Variants in HMX1 observed in about 807,000 individuals in gnomAD.
The protein encoded by HMX1 is H6 family homeobox 1, also known as homeobox protein HMX1.
In HMX1, 8 loss-of-function variants were observed where a neutral mutation model predicts 8.9. The ratio of observed to expected loss-of-function variants is 0.90; its 90% CI spans 0.53 to 1.63. The LOEUF is 1.63. HMX1 is among the 40% of genes most tolerant of loss of function. The pLI, the probability that HMX1 is intolerant of heterozygous loss-of-function variation, is 0.00. For synonymous variants in HMX1, 311 were observed against 283.4 expected, an observed-to-expected ratio of 1.10 and a Z score of -0.98; for missense variants, 621 against 558.5, an observed-to-expected ratio of 1.11 and a Z score of -1.13.
intron 1 of HMX1, among the ~76,000 whole-genome samples, chr4:8,869,536 C>T (rs554907210): frequency 4.4e-4 from 67 of 152,366 alleles, no homozygotes; most frequent in African/African-American, 1.5e-3. Flanking sequence ...GCAAGGGGTG[C>T]GCACACTGGT....
chr4:8,854,734 T>C (rs1031202405), intron 1 of HMX1, among the ~76,000 whole-genome samples: 1 of 152,244 alleles, frequency 6.6e-6, no homozygotes, highest in Non-Finnish European at 1.5e-5. Context: ...TTCTCTTTCT[T>C]TGGAGAACCC....
At chr4:8,852,448 C>T (rs1428052737) in intron 1 of HMX1, among the ~76,000 whole-genome samples, 1 of 152,232 alleles carries the variant, frequency 6.6e-6, no homozygotes, top group Non-Finnish European at 1.5e-5. Flanking sequence ...CAAAGCCACA[C>T]AGCCAGGAAA....
In HMX1 at chr4:8,858,141, A is replaced by T. The variant is rs1721675508; in HGVS notation, c.395-11817T>A. Among the ~76,000 whole-genome samples, 2 of 152,072 alleles carry T rather than the reference A, an allele frequency of 1.3e-5. 1 individual carries two copies. The highest frequency in any genetic ancestry group is 4.8e-5 in the African/African-American group (2 of 41,428). On this transcript the variant is annotated intron_variant, in intron 1 of 1. Coordinates refer to the HMX1 transcript ENST00000506970. ...CCCAAGCCGGTCGAGGCCCCCGTCCATTTGGGGGAAATGGATTTTCGCGAT... is the reference window on the plus strand; with the variant it reads ...CCCAAGCCGGTCGAGGCCCCCGTCCTTTTGGGGGAAATGGATTTTCGCGAT...
chr4:8,851,780 C>T (rs1434335397), intron 1 of HMX1, among the ~76,000 whole-genome samples: 1 of 152,252 alleles, frequency 6.6e-6, no homozygotes, highest in African/African-American at 2.4e-5. Flanking sequence ...AAGGACTCTT[C>T]CTCCTGCTTC....
intron 1 of HMX1, among the ~76,000 whole-genome samples, chr4:8,869,287 C>A (rs149547706): frequency 6.6e-6 from 1 of 152,204 alleles, no homozygotes; most frequent in Non-Finnish European, 1.5e-5. Flanking sequence ...AGAGGCCAGC[C>A]GGGACCCAGA....
intron 1 of HMX1, among the ~76,000 whole-genome samples, chr4:8,851,805 T>C (rs28508194): frequency 0.55 from 84,185 of 152,172 alleles, 25,918 homozygotes; most frequent in East Asian, 0.82. Context: ...TGGGGTGGGC[T>C]TCCCTGACAT....
chr4:8,869,614 G>A (rs146097533), intron 1 of HMX1, among the ~76,000 whole-genome samples: 2,008 of 152,292 alleles, frequency 0.013, 22 homozygotes, highest in South Asian at 0.038. Context: ...ACTCACGCCC[G>A]TGGCCAATCC....
chr4:8,858,269 C>T (rs1179878715), intron 1 of HMX1, among the ~76,000 whole-genome samples: 5 of 151,994 alleles, frequency 3.3e-5, no homozygotes, highest in Admixed American at 6.5e-5. Context: ...AAAGGCGCAG[C>T]GGCGACCGCG....
chr4:8,856,166 T>C (rs1560171028), intron 1 of HMX1, among the ~76,000 whole-genome samples: 3 of 152,216 alleles, frequency 2.0e-5, no homozygotes, highest in Non-Finnish European at 2.9e-5. Flanking sequence ...GGGCCCTGAG[T>C]GCTTTTGAGT....
chr4:8,864,082 G>C (rs143172229), downstream of HMX1, among the ~76,000 whole-genome samples: 1 of 152,356 alleles, frequency 6.6e-6, no homozygotes, highest in African/African-American at 2.4e-5. Context: ...AGCACTGAGA[G>C]GCCCAGAGGA....
Position 8,848,182 on chromosome 4 carries a change from G to A in HMX1, c.395-1858C>T, listed in dbSNP as rs191535001. Among the ~76,000 whole-genome samples the A allele has an allele frequency of 6.6e-6, 1 of 152,286 alleles. No homozygotes were observed. Among genetic ancestry groups the A allele is most frequent in the African/African-American group, 2.4e-5 (1 of 41,560 alleles). On this transcript the variant is annotated intron_variant, in intron 1 of 1. Transcript: ENST00000506970. This position sits in a 1 kb window ranked among gnomAD's most constrained non-coding sequence, Gnocchi z 4.1. ...GCATCTGAATGGAGATGTGCTGTAA[G>A]TAAAAAATGCATACTTTTGTGCTCT...
chr4:8,863,813 G>C (rs528752477), downstream of HMX1, among the ~76,000 whole-genome samples: 3 of 152,244 alleles, frequency 2.0e-5, no homozygotes, highest in Non-Finnish European at 4.4e-5. Context: ...CGGCCTCCAG[G>C]ATTCCAGTAG....
Position 8,870,307 on chromosome 4 carries a change from G to C in HMX1, c.394+914C>G, listed in dbSNP as rs1350832696. Among the ~76,000 whole-genome samples, 2 of 151,976 alleles carry C rather than the reference G, an allele frequency of 1.3e-5. No homozygotes were observed. Among genetic ancestry groups the C allele is most frequent in the Admixed American group, 6.5e-5 (1 of 15,270 alleles). ...TCCCAGGGGTCTTCCTAAAGGGCAG[G>C]TACAAAAGGGAGGCAGCGACCCTGG... On this transcript the variant is annotated intron_variant, in intron 1 of 1. Transcript: ENST00000400677. The surrounding 1 kb of genome is among the most constrained non-coding windows in gnomAD (Gnocchi z 4.4).
chr4:8,864,855 C>G (rs1721945300), downstream of HMX1, among the ~76,000 whole-genome samples: 1 of 152,220 alleles, frequency 6.6e-6, no homozygotes, highest in South Asian at 2.1e-4. Context: ...AGGGCAAGCC[C>G]TGAGTCGAGG....
Position 8,847,249 on chromosome 4 carries a change from C to T in HMX1, c.395-925G>A, listed in dbSNP as rs889869496. ...AGGAGCTCCAGTCCAGCCTGAGTAA[C>T]GTAGCAAGACTCTGTCTTTAAAAAT... On this transcript the variant is annotated intron_variant, in intron 1 of 1. Coordinates refer to the HMX1 transcript ENST00000506970. This position sits in a 1 kb window ranked among gnomAD's most constrained non-coding sequence, Gnocchi z 6.0. Among the ~76,000 whole-genome samples the T allele has an allele frequency of 2.0e-5, 3 of 151,988 alleles. No homozygotes were observed. Among genetic ancestry groups the T allele is most frequent in the South Asian group, 2.1e-4 (1 of 4,808 alleles).
Position 8,867,641 on chromosome 4 carries a change from C to A in HMX1, c.*52G>T. On this transcript the variant is annotated 3_prime_UTR_variant, in exon 2 of 2. Transcript: ENST00000400677. ...GAGCCCTGCGCCTGCCGCTGAATCG[C>A]GCGTCCACACAGGTCCACAGGGTCG... is the stretch of plus-strand genomic sequence containing the variant. 1 of 1,213,876 alleles carries A rather than the reference C, an allele frequency of 8.2e-7. No homozygotes were observed. The allele number at this position is 1,213,876 out of a possible 1,614,324, so 75.2% of individuals were successfully genotyped here. A position where few individuals can be genotyped will look rare whatever the true frequency, so the allele number is the denominator to read the frequency against.
intron 1 of HMX1, among the ~76,000 whole-genome samples, chr4:8,850,678 C>A (rs1721418717): frequency 6.6e-6 from 1 of 152,356 alleles, no homozygotes; most frequent in East Asian, 1.9e-4. Flanking sequence ...TCAGAATATT[C>A]TTCTGGCTAT....
chr4:8,859,327 T>C (rs1347463787), intron 1 of HMX1, among the ~76,000 whole-genome samples: 3 of 152,150 alleles, frequency 2.0e-5, no homozygotes, highest in Non-Finnish European at 4.4e-5. Context: ...GCACGATTTC[T>C]CTAGTCCCGA....
chr4:8,859,418 GGACTTAGAAAATTCCAAAA>G (rs1209351482), intron 1 of HMX1, among the ~76,000 whole-genome samples: 35 of 152,268 alleles, frequency 2.3e-4, no homozygotes, highest in African/African-American at 8.2e-4. Context: ...AAGGCCCGCG[GGACTTAGAAAATTCCAAAA>G]ATAAAAGGCA....
Sources: gnomAD v4.1 joint callset for allele counts (sites outside exome capture counted in the v4.1 genomes callset) on GRCh38, gnomAD v4.1.1 for gene constraint, Gnocchi (gnomAD v3.1) non-coding constraint, MANE v1.5 for transcripts, NCBI Gene and HGNC (gene_info 2026-07-23, HGNC 2026-07-21) for gene names.